DCDC1: variants seen among roughly 807,000 people sequenced by gnomAD.
The protein encoded by DCDC1 is doublecortin domain-containing protein 1.
In DCDC1, 200 loss-of-function variants were observed where a neutral mutation model predicts 178.3. The observed-to-expected ratio is 1.12, with a 90% CI of 1.00 to 1.26. The LOEUF is 1.26. Among genes scored for constraint, DCDC1 ranks in the 50% most tolerant of loss-of-function variants. The pLI is 0.00. For missense variants in DCDC1, 1,983 were observed against 1,749.2 expected, an observed-to-expected ratio of 1.13 and a Z score of -2.38; for synonymous variants, 690 against 604.8, an observed-to-expected ratio of 1.14 and a Z score of -2.07.
At chr11:31,150,882 G>GGGAATCAAAAAAACTAAACTTCTTT (rs1965105037) in intron 9 of DCDC1, among the ~76,000 whole-genome samples, 1 of 152,150 alleles carries the variant, frequency 6.6e-6, no homozygotes, top group South Asian at 2.1e-4. Context: ...CTAAACTTCT[G>GGGAATCAAAAAAACTAAACTTCTTT]TGGGAATCAA....
At chr11:31,241,155 T>C (rs1444145386) in intron 9 of DCDC1, among the ~76,000 whole-genome samples, 1 of 152,038 alleles carries the variant, frequency 6.6e-6, no homozygotes, top group African/African-American at 2.4e-5. Flanking sequence ...TATTCTCTTA[T>C]TTAAAGTAAT....
Position 30,915,726 on chromosome 11 carries a change from T to A in DCDC1, c.3453-15A>T. On this transcript the variant is annotated splice_polypyrimidine_tract_variant and intron_variant, in intron 26 of 38. Transcript: ENST00000684477. ...TTGGTGAACAGCTGAGATAAAGAAA[T>A]CTCTATTAGTGGCAGAAAAATGTCC... The A allele has an allele frequency of 6.2e-7, 1 of 1,602,678 alleles. No homozygotes were observed. Among genetic ancestry groups the A allele is most frequent in the Non-Finnish European group, 8.5e-7 (1 of 1,174,116 alleles).
chr11:31,336,692 C>T (rs1370043077), intron 1 of DCDC1, among the ~76,000 whole-genome samples: 1 of 152,214 alleles, frequency 6.6e-6, no homozygotes, highest in East Asian at 1.9e-4. Flanking sequence ...CTTGTTCCTT[C>T]TACAAAACTA....
chr11:31,210,346 C>A (rs925520380), intron 9 of DCDC1, among the ~76,000 whole-genome samples: 2 of 152,100 alleles, frequency 1.3e-5, no homozygotes, highest in African/African-American at 2.4e-5. Flanking sequence ...AAAGTAGGTA[C>A]GAAAGGAATG....
At chr11:30,872,462 G>A (rs1307916699) in intron 38 of DCDC1, among the ~76,000 whole-genome samples, 1 of 152,036 alleles carries the variant, frequency 6.6e-6, no homozygotes, top group African/African-American at 2.4e-5. Flanking sequence ...AATAAAATAT[G>A]GTATGAAAAT....
At chr11:31,063,780 A>G (rs958772807) in intron 20 of DCDC1, among the ~76,000 whole-genome samples, 13 of 152,188 alleles carry the variant, frequency 8.5e-5, no homozygotes, top group Non-Finnish European at 1.6e-4. Context: ...AGTGAATATG[A>G]TAAGAATTAT....
At chr11:31,107,094 T>C (rs1958900825) in intron 12 of DCDC1, 134 bp from the exon 13 acceptor site, 1 of 598,166 alleles carries the variant, frequency 1.7e-6, no homozygotes, top group Non-Finnish European at 3.0e-6. Context: ...TATAGAATGT[T>C]AAAAGAAGTG....
At chr11:31,286,709 AG>A (rs1261823377) in intron 7 of DCDC1, among the ~76,000 whole-genome samples, 6 of 152,038 alleles carry the variant, frequency 3.9e-5, no homozygotes, top group African/African-American at 1.4e-4. Flanking sequence ...TTGAGATATC[AG>A]GTACCTCTAA....
intron 18 of DCDC1, among the ~76,000 whole-genome samples, chr11:31,066,433 A>G (rs935268653): frequency 5.3e-5 from 8 of 152,216 alleles, no homozygotes; most frequent in African/African-American, 7.2e-5. Context: ...TGCCTCAATT[A>G]TAATATAAAC....
intron 1 of DCDC1, among the ~76,000 whole-genome samples, chr11:31,348,319 A>C (rs1448220847): frequency 1.3e-5 from 2 of 152,210 alleles, no homozygotes; most frequent in Non-Finnish European, 2.9e-5. Flanking sequence ...GAAAGACACA[A>C]GTGAAGAAAA....
intron 38 of DCDC1, among the ~76,000 whole-genome samples, chr11:30,871,883 C>T (rs1565005770): frequency 6.6e-6 from 1 of 151,512 alleles, no homozygotes; most frequent in East Asian, 1.9e-4. Context: ...CATATGTATA[C>T]ATATATATAC....
intron 11 of DCDC1, among the ~76,000 whole-genome samples, chr11:31,126,174 C>T (rs1961590331): frequency 6.6e-6 from 1 of 152,150 alleles, no homozygotes; most frequent in South Asian, 2.1e-4. Context: ...TACACTTCCC[C>T]ATCCCTTTTT....
chr11:31,167,405 A>C (rs1966846187), intron 9 of DCDC1, among the ~76,000 whole-genome samples: 4 of 152,148 alleles, frequency 2.6e-5, no homozygotes, highest in Admixed American at 2.6e-4. Context: ...TTTGTCATTT[A>C]ATTTCATGAG....
At chr11:31,148,542 C>A (rs1164056400) in intron 9 of DCDC1, among the ~76,000 whole-genome samples, 1 of 151,934 alleles carries the variant, frequency 6.6e-6, no homozygotes, top group African/African-American at 2.4e-5. Flanking sequence ...AAATAAGTTT[C>A]TTTAAGTGCT....
intron 17 of DCDC1, among the ~76,000 whole-genome samples, chr11:31,086,805 ATT>A (rs1957507684): frequency 2.0e-5 from 3 of 152,082 alleles, no homozygotes; most frequent in Admixed American, 1.3e-4. Flanking sequence ...ATTTGCTAAA[ATT>A]TTGTTAATCA....
chr11:31,358,540 T>C (rs12275092), intron 1 of DCDC1, among the ~76,000 whole-genome samples: 14,760 of 151,498 alleles, frequency 0.097, 1,966 homozygotes, highest in African/African-American at 0.3. Flanking sequence ...AAGGACTTCA[T>C]GTCTAAAACA....
In DCDC1 at chr11:31,205,692, C is replaced by T. The variant is rs1276120393; in HGVS notation, c.1221+35758G>A. Among the ~76,000 whole-genome samples the T allele has an allele frequency of 2.0e-5, 3 of 152,228 alleles. No homozygotes were observed. In the East Asian group the frequency reaches 5.8e-4, roughly 29 times the overall value. ...ATGCATAGGTATTTCCAATCACTACCATTCACCTTAGCCCTCTTAGCCTTA... is the reference window on the plus strand; with the variant it reads ...ATGCATAGGTATTTCCAATCACTACTATTCACCTTAGCCCTCTTAGCCTTA... On this transcript the variant is annotated intron_variant, in intron 9 of 38. Transcript: ENST00000684477.
intron 20 of DCDC1, among the ~76,000 whole-genome samples, chr11:31,036,641 GA>G (rs1295393486): frequency 6.6e-6 from 1 of 152,094 alleles, no homozygotes; most frequent in East Asian, 1.9e-4. Flanking sequence ...ATTCATGGTG[GA>G]TTGGTTCCTG....
At chr11:30,986,457 CA>C (rs1950653890) in intron 20 of DCDC1, among the ~76,000 whole-genome samples, 1 of 151,788 alleles carries the variant, frequency 6.6e-6, no homozygotes, top group Non-Finnish European at 1.5e-5. Flanking sequence ...CTCAGCCTCC[CA>C]ATTAGCTGGG....
Sources: gnomAD v4.1 joint callset for allele counts (sites outside exome capture counted in the v4.1 genomes callset) on GRCh38, gnomAD v4.1.1 for gene constraint, MANE v1.5 for transcripts, NCBI Gene and HGNC (gene_info 2026-07-23, HGNC 2026-07-21) for gene names.